CFAP90: variants seen among roughly 807,000 people sequenced by gnomAD.
CFAP90 encodes cilia- and flagella-associated protein 90.
the CFAP90 span, among the ~76,000 whole-genome samples, chr5:7,842,915 T>A: frequency 6.6e-6 from 1 of 152,148 alleles, no homozygotes; most frequent in South Asian, 2.1e-4. Context: ...CTTTTGTGAG[T>A]CATACAAGCC....
the CFAP90 span, among the ~76,000 whole-genome samples, chr5:7,841,130 C>A: frequency 6.6e-6 from 1 of 151,662 alleles, no homozygotes; most frequent in Non-Finnish European, 1.5e-5. Flanking sequence ...CTACAAGAAA[C>A]AAATTTACAA....
chr5:7,832,542 G>A, the CFAP90 span, among the ~76,000 whole-genome samples: 7 of 151,818 alleles, frequency 4.6e-5, no homozygotes, highest in East Asian at 1.9e-4. Context: ...TGCTCTTGTC[G>A]CCCAGGCTGG....
At chr5:7,850,204 G>C in the CFAP90 span, among the ~76,000 whole-genome samples, 1 of 152,008 alleles carries the variant, frequency 6.6e-6, no homozygotes, top group Non-Finnish European at 1.5e-5. Flanking sequence ...TGTACTCTTT[G>C]GGGCCCAGGC....
At chr5:7,834,327 A>G in the CFAP90 span, among the ~76,000 whole-genome samples, 2 of 152,186 alleles carry the variant, frequency 1.3e-5, no homozygotes, top group African/African-American at 2.4e-5. Flanking sequence ...AAAAATAGAC[A>G]TAAAGATCTA....
At chr5:7,845,202 A>G in the CFAP90 span, among the ~76,000 whole-genome samples, 2 of 152,158 alleles carry the variant, frequency 1.3e-5, no homozygotes, top group African/African-American at 4.8e-5. Flanking sequence ...CAAGGGGGAA[A>G]CTGCCCCCAT....
chr5:7,833,098 A>G, the CFAP90 span, among the ~76,000 whole-genome samples: 2 of 152,264 alleles, frequency 1.3e-5, no homozygotes, highest in East Asian at 1.9e-4. Flanking sequence ...TTAAATTGTT[A>G]AATTCTAAAG....
chr5:7,845,114 C>CAG, the CFAP90 span, among the ~76,000 whole-genome samples: 1 of 151,584 alleles, frequency 6.6e-6, no homozygotes. Context: ...GCAGGAGAGA[C>CAG]AGAGAGAGAG....
the CFAP90 span, among the ~76,000 whole-genome samples, chr5:7,839,967 C>T: frequency 6.6e-6 from 1 of 151,996 alleles, no homozygotes; most frequent in African/African-American, 2.4e-5. Flanking sequence ...AATTATTAAT[C>T]TTTCTTTTTT....
At chr5:7,838,572 A>G in the CFAP90 span, among the ~76,000 whole-genome samples, 1 of 152,214 alleles carries the variant, frequency 6.6e-6, no homozygotes, top group South Asian at 2.1e-4. Flanking sequence ...TTTGAGATTC[A>G]GAGACACTGG....
At chr5:7,841,309 G>C in the CFAP90 span, among the ~76,000 whole-genome samples, 5 of 152,080 alleles carry the variant, frequency 3.3e-5, no homozygotes, top group Non-Finnish European at 7.4e-5. Context: ...AATGGATATT[G>C]AAAAGTCAAA....
chr5:7,846,902 C>T, the CFAP90 span, among the ~76,000 whole-genome samples: 10 of 152,126 alleles, frequency 6.6e-5, no homozygotes, highest in South Asian at 1.0e-3. Flanking sequence ...ATGGCCACCA[C>T]ACCTGGCAAT....
the CFAP90 span, among the ~76,000 whole-genome samples, chr5:7,849,404 C>A: frequency 6.6e-6 from 1 of 152,124 alleles, no homozygotes; most frequent in Non-Finnish European, 1.5e-5. Context: ...CTCCTTCCCC[C>A]TAGACACCTG....
the CFAP90 span, among the ~76,000 whole-genome samples, chr5:7,839,912 T>G: frequency 1.3e-5 from 2 of 152,258 alleles, no homozygotes; most frequent in African/African-American, 4.8e-5. Flanking sequence ...ACTATCCATT[T>G]TCAATAACTA....
the CFAP90 span, among the ~76,000 whole-genome samples, chr5:7,842,500 T>C: frequency 6.6e-6 from 1 of 151,888 alleles, no homozygotes; most frequent in Non-Finnish European, 1.5e-5. Flanking sequence ...CTTCTAGTCC[T>C]GGTCCATAAA....
At chr5:7,842,634 A>G in the CFAP90 span, among the ~76,000 whole-genome samples, 1 of 152,152 alleles carries the variant, frequency 6.6e-6, no homozygotes, top group African/African-American at 2.4e-5. Context: ...AACCATGAAA[A>G]AGAAGGCACT....
At chr5:7,847,279 C>T in the CFAP90 span, among the ~76,000 whole-genome samples, 1 of 152,164 alleles carries the variant, frequency 6.6e-6, no homozygotes, top group African/African-American at 2.4e-5. Context: ...ATTTCTGTAG[C>T]ATCGTTTTCT....
chr5:7,838,930 G>A, the CFAP90 span, among the ~76,000 whole-genome samples: 1 of 152,166 alleles, frequency 6.6e-6, no homozygotes, highest in African/African-American at 2.4e-5. Context: ...CTCACCCAGT[G>A]TATTAGTCTG....
At chr5:7,850,943 C>T in the CFAP90 span, 3 of 1,345,716 alleles carry the variant, frequency 2.2e-6, no homozygotes, top group Non-Finnish European at 9.6e-7. Flanking sequence ...TAGCTGAAGG[C>T]GGACTGCGCC....
the CFAP90 span, among the ~76,000 whole-genome samples, chr5:7,839,649 G>C: frequency 6.6e-6 from 1 of 152,170 alleles, no homozygotes; most frequent in Non-Finnish European, 1.5e-5. Context: ...CACTATAAAA[G>C]TAACCACTAT....
Sources: allele counts gnomAD v4.1 joint callset (sites outside exome capture counted in the v4.1 genomes callset), GRCh38; gene constraint gnomAD v4.1.1; transcripts MANE v1.5; gene names NCBI Gene and HGNC (gene_info 2026-07-23, HGNC 2026-07-21).